Variants in PKHD1 observed in about 807,000 individuals in gnomAD.
PKHD1 encodes fibrocystin.
A neutral mutation model predicts 412.0 loss-of-function variants in PKHD1; 291 were observed. The ratio of observed to expected loss-of-function variants is 0.71; its 90% CI spans 0.64 to 0.78. The LOEUF (loss-of-function observed/expected upper bound fraction) is 0.78, where lower values mean the gene tolerates loss of function less well. Among genes scored for constraint, PKHD1 ranks in the 30% least tolerant of loss-of-function variants. The pLI is 0.00. For missense variants in PKHD1, 4,825 were observed against 4,950.7 expected, an observed-to-expected ratio of 0.97 and a Z score of 0.76; for synonymous variants, 1,777 against 1,821.5, an observed-to-expected ratio of 0.98 and a Z score of 0.62.
chr6:51,690,271 CAAAAAAAAAAAAA>C (rs70977310), intron 60 of PKHD1, among the ~76,000 whole-genome samples: 103 of 109,908 alleles, frequency 9.4e-4, no homozygotes, highest in Middle Eastern at 4.5e-3. Context: ...GACTCCATCT[CAAAAAAAAAAAAA>C]AAAAAAAAAA....
At chr6:52,059,265 T>TTTTTTTTTTTTTTTTTTTG (rs1562255930) in intron 15 of PKHD1, among the ~76,000 whole-genome samples, 1 of 134,404 alleles carries the variant, frequency 7.4e-6, no homozygotes, top group African/African-American at 2.8e-5. Flanking sequence ...TTTTCTTTTT[T>TTTTTTTTTTTTTTTTTTTG]TTTTTTTTTT....
rs1412045164 is a variant in PKHD1 at position 52,010,310 on chromosome 6, T to C, written c.5750A>G (p.Gln1917Arg). 5.6e-6 allele frequency: 9 copies of C among 1,613,280 alleles called. No individual in the cohort carries two copies. The highest frequency in any genetic ancestry group is 7.6e-6 in the Non-Finnish European group (9 of 1,179,428). The change falls in exon 35 of 67, where the codon CAG (glutamine) becomes CGG (arginine). Residue 1917 changes from glutamine (Q) to arginine (R), a missense_variant and splice_region_variant. Physicochemically the swap from Gln to Arg is conservative, Grantham distance 43. Coordinates refer to ENST00000371117, the MANE Select transcript of PKHD1 (RefSeq NM_138694.4). ...TCTGTAAAAAAGATTTGATTATACCTGAGTGTTCTGGCCCCAGCGTTTCCG... is the reference window on the plus strand; with the variant it reads ...TCTGTAAAAAAGATTTGATTATACCCGAGTGTTCTGGCCCCAGCGTTTCCG... ...EIRKRWGQNT[Q>R]GNFSLQFCRR...
intron 56 of PKHD1, among the ~76,000 whole-genome samples, chr6:51,753,833 GCCCTCT>G (rs1384411829): frequency 6.6e-6 from 1 of 152,152 alleles, no homozygotes; most frequent in Non-Finnish European, 1.5e-5. Flanking sequence ...CAGCAGCAGC[GCCCTCT>G]CATGGTGGAT....
chr6:51,707,764 T>G (rs1392208560), intron 60 of PKHD1, among the ~76,000 whole-genome samples: 1 of 152,180 alleles, frequency 6.6e-6, no homozygotes, highest in African/African-American at 2.4e-5. Context: ...CAATAATTTC[T>G]TCTCAGGACT....
At chr6:51,740,862 G>A (rs1240734825) in intron 60 of PKHD1, among the ~76,000 whole-genome samples, 1 of 152,154 alleles carries the variant, frequency 6.6e-6, no homozygotes, top group Non-Finnish European at 1.5e-5. Context: ...TTTTAGTGCA[G>A]TAAACAGCAG....
At chr6:51,714,545 T>C (rs1293670125) in intron 60 of PKHD1, among the ~76,000 whole-genome samples, 1 of 152,164 alleles carries the variant, frequency 6.6e-6, no homozygotes, top group Non-Finnish European at 1.5e-5. Flanking sequence ...GTTTACACTG[T>C]CCAACACAGT....
intron 59 of PKHD1, 44 bp from the exon 60 acceptor site, chr6:51,744,586 C>T: frequency 6.6e-7 from 1 of 1,516,402 alleles, no homozygotes; most frequent in Non-Finnish European, 9.2e-7. Context: ...TCATGATAAG[C>T]AGCAAGAAGA....
intron 52 of PKHD1, among the ~76,000 whole-genome samples, chr6:51,813,389 C>T (rs1055066399): frequency 6.6e-6 from 1 of 152,104 alleles, no homozygotes; most frequent in Non-Finnish European, 1.5e-5. Flanking sequence ...GCTAGTACTA[C>T]CACTGTTATC....
intron 21 of PKHD1, 75 bp downstream of exon 21, chr6:52,053,001 A>C: frequency 7.0e-7 from 1 of 1,419,708 alleles, no homozygotes; most frequent in African/African-American, 1.4e-5. Flanking sequence ...CATTAAAAAA[A>C]ACAGTAACCC....
chr6:51,695,189 A>G (rs909418041), intron 60 of PKHD1, among the ~76,000 whole-genome samples: 7 of 152,206 alleles, frequency 4.6e-5, no homozygotes, highest in South Asian at 2.1e-4. Context: ...AGTCTTTTCA[A>G]TAAAATCCAC....
chr6:52,057,121 A>G (rs1807883122), intron 16 of PKHD1, 142 bp from the exon 17 acceptor site: 3 of 701,364 alleles, frequency 4.3e-6, no homozygotes, highest in Non-Finnish European at 2.6e-6. Flanking sequence ...ACATTCAGAA[A>G]TCTCTGAGGA....
chr6:51,749,570 T>C (rs546159729), intron 57 of PKHD1, among the ~76,000 whole-genome samples: 1 of 152,314 alleles, frequency 6.6e-6, no homozygotes, highest in African/African-American at 2.4e-5. Flanking sequence ...ACACTCATTA[T>C]TTGCAGACAC....
chr6:51,688,442 T>G (rs1179844787), intron 60 of PKHD1, among the ~76,000 whole-genome samples: 1 of 150,340 alleles, frequency 6.7e-6, no homozygotes, highest in African/African-American at 2.4e-5. Flanking sequence ...AGCAAACAAA[T>G]CTCAAAGCTA....
chr6:51,648,987 C>G (rs1002398362), intron 62 of PKHD1, 98 bp downstream of exon 62: 40 of 1,213,548 alleles, frequency 3.3e-5, no homozygotes, highest in Middle Eastern at 1.9e-4. Flanking sequence ...AGTGGGCACT[C>G]TGTAAATGTG....
chr6:52,037,392 A>T (rs1024659339), intron 27 of PKHD1, among the ~76,000 whole-genome samples: 18 of 152,142 alleles, frequency 1.2e-4, no homozygotes, highest in African/African-American at 4.3e-4. Context: ...TGTAAAAATT[A>T]AAAATATTTA....
At chr6:52,044,500 A>G (rs1016091969) in intron 25 of PKHD1, among the ~76,000 whole-genome samples, 3 of 152,184 alleles carry the variant, frequency 2.0e-5, no homozygotes, top group African/African-American at 4.8e-5. Flanking sequence ...GACAATGTCA[A>G]TTTTCAGTTT....
intron 50 of PKHD1, among the ~76,000 whole-genome samples, chr6:51,841,512 T>A (rs1770199901): frequency 6.6e-6 from 1 of 152,194 alleles, no homozygotes. Context: ...TGTTCTGTTA[T>A]CTATATTTTT....
Position 51,648,086 on chromosome 6 carries a change from T to G in PKHD1, c.11343A>C (p.Ser3781=), listed in dbSNP as rs772576035. 6.2e-7 allele frequency: 1 copy of G among 1,608,030 alleles called. No individual in the cohort carries two copies. Among genetic ancestry groups the G allele is most frequent in the African/African-American group, 1.3e-5 (1 of 74,822 alleles). Residue 3781 remains serine, a synonymous_variant, in exon 63 of 67, where the codon TCA becomes TCC. Coordinates refer to ENST00000371117, the MANE Select transcript of PKHD1 (RefSeq NM_138694.4). ...NRRVESLGPP[S]EPWTISASLE... ...GGGAAGCTGAAATTGTCCATGGCTC[T>G]GAAGGAGGTCCCAGGGACTCTACTC...
chr6:51,803,927 C>G (rs998353821), intron 52 of PKHD1, among the ~76,000 whole-genome samples: 5 of 151,308 alleles, frequency 3.3e-5, no homozygotes, highest in Non-Finnish European at 7.4e-5. Flanking sequence ...AGGCTGGTCT[C>G]AAACTCCTGA....
Sources: gnomAD v4.1 joint callset for allele counts (sites outside exome capture counted in the v4.1 genomes callset) on GRCh38, gnomAD v4.1.1 for gene constraint, MANE v1.5 for transcripts, NCBI Gene and HGNC (gene_info 2026-07-23, HGNC 2026-07-21) for gene names.